ADGRB3: variants seen among roughly 807,000 people sequenced by gnomAD.
ADGRB3 encodes adhesion G protein-coupled receptor B3.
ADGRB3 carries 37 observed loss-of-function variants against 193.4 expected under a neutral mutation model. The observed-to-expected ratio is 0.19, with a 90% confidence interval of 0.15 to 0.25. ADGRB3 has a LOEUF of 0.25. Among genes scored for constraint, ADGRB3 ranks in the 10% least tolerant of loss-of-function variants. The pLI, the probability that ADGRB3 is intolerant of heterozygous loss-of-function variation, is 1.00. For synonymous variants in ADGRB3, 690 were observed against 644.2 expected, an observed-to-expected ratio of 1.07 and a Z score of -1.08; for missense variants, 1,637 against 1,852.9, an observed-to-expected ratio of 0.88 and a Z score of 2.14.
chr6:68,838,170 C>G (rs971001640), intron 3 of ADGRB3, among the ~76,000 whole-genome samples: 1 of 152,108 alleles, frequency 6.6e-6, no homozygotes, highest in African/African-American at 2.4e-5. Context: ...TTGCTGGAGG[C>G]TTTCTCTTAA....
intron 17 of ADGRB3, among the ~76,000 whole-genome samples, chr6:69,218,270 A>G (rs1045206070): frequency 6.6e-5 from 10 of 152,260 alleles, no homozygotes; most frequent in Admixed American, 2.6e-4. Context: ...ATTTTAAATA[A>G]CAGTCCAATC....
At chr6:68,794,946 G>A (rs1582208029) in intron 3 of ADGRB3, among the ~76,000 whole-genome samples, 1 of 152,054 alleles carries the variant, frequency 6.6e-6, no homozygotes, top group East Asian at 1.9e-4. Flanking sequence ...TATTTTTGAT[G>A]AATTTACTGG....
chr6:69,226,689 G>A (rs186027001), intron 17 of ADGRB3, among the ~76,000 whole-genome samples: 5 of 152,306 alleles, frequency 3.3e-5, no homozygotes, highest in African/African-American at 7.2e-5. Flanking sequence ...ATGTTATGGC[G>A]TAGCTATTAG....
intron 20 of ADGRB3, among the ~76,000 whole-genome samples, chr6:69,245,728 A>G (rs1016587226): frequency 1.2e-4 from 18 of 152,060 alleles, no homozygotes; most frequent in Admixed American, 2.6e-4. Context: ...CCCATTAGAG[A>G]AAACCCTGCT....
At chr6:69,233,083 C>A in intron 17 of ADGRB3, 3 of 671,076 alleles carry the variant, frequency 4.5e-6, no homozygotes, top group Non-Finnish European at 7.2e-6. Flanking sequence ...GCACGCCGCA[C>A]CGCCGCCTGC....
intron 17 of ADGRB3, 171 bp from the exon 18 acceptor site, chr6:69,233,119 A>G: frequency 5.3e-6 from 5 of 935,258 alleles, no homozygotes; most frequent in Non-Finnish European, 6.3e-6. Flanking sequence ...CTCGCTTTGC[A>G]TTACTGGAGA....
At chr6:68,943,708 C>T in intron 5 of ADGRB3, 122 bp from the exon 6 acceptor site, 1 of 746,892 alleles carries the variant, frequency 1.3e-6, no homozygotes, top group Non-Finnish European at 1.9e-6. Flanking sequence ...GTTATCTCAA[C>T]TGAGTTTTAA....
intron 3 of ADGRB3, among the ~76,000 whole-genome samples, chr6:68,701,394 A>G (rs1765240055): frequency 1.3e-5 from 2 of 152,192 alleles, no homozygotes; most frequent in African/African-American, 2.4e-5. Flanking sequence ...ATCATTAGTC[A>G]GGCCTTCTTC....
rs1406327730 is a variant in ADGRB3, at chr6:69,213,438, C to T, written c.2481-19852C>T. Among the ~76,000 whole-genome samples the T allele has an allele frequency of 3.3e-5, 5 of 152,178 alleles. No homozygotes were observed. In the East Asian group the frequency reaches 5.8e-4, roughly 18 times the overall value. ...ACTTTTGCATGATTCAGGATTATAC[C>T]TGTATTTTAATTTTAGAAATTAATA... On this transcript the variant is annotated intron_variant, in intron 17 of 31. Coordinates refer to ENST00000370598, the MANE Select transcript of ADGRB3 (RefSeq NM_001704.3).
At chr6:69,059,789 CTTAT>C (rs546929518) in intron 15 of ADGRB3, among the ~76,000 whole-genome samples, 3 of 152,132 alleles carry the variant, frequency 2.0e-5, no homozygotes, top group African/African-American at 4.8e-5. Context: ...TGTAAATTTG[CTTAT>C]TTATTTTCCT....
intron 3 of ADGRB3, among the ~76,000 whole-genome samples, chr6:68,921,559 A>G (rs983016904): frequency 5.3e-5 from 8 of 152,190 alleles, no homozygotes; most frequent in Non-Finnish European, 7.4e-5. Flanking sequence ...AACAAAATTT[A>G]AATTGTGATT....
chr6:68,696,003 A>G (rs145474529), intron 3 of ADGRB3, among the ~76,000 whole-genome samples: 226 of 152,012 alleles, frequency 1.5e-3, no homozygotes, highest in Non-Finnish European at 2.9e-3. Flanking sequence ...GCTGCGACCC[A>G]AAGGGGGTAG....
At chr6:69,040,373 CT>C (rs1562133264) in intron 13 of ADGRB3, among the ~76,000 whole-genome samples, 3 of 55,956 alleles carry the variant, frequency 5.4e-5, no homozygotes, top group African/African-American at 1.6e-4. Context: ...TTCTTTCTTT[CT>C]TTCCTTCTCT....
At chr6:69,340,696 A>G (rs74672178) in intron 26 of ADGRB3, among the ~76,000 whole-genome samples, 1 of 152,102 alleles carries the variant, frequency 6.6e-6, no homozygotes, top group Non-Finnish European at 1.5e-5. Context: ...TACATGTGCC[A>G]TGGTGGTTTG....
intron 4 of ADGRB3, among the ~76,000 whole-genome samples, chr6:68,933,922 A>G (rs982140957): frequency 3.3e-5 from 5 of 152,138 alleles, no homozygotes; most frequent in Non-Finnish European, 7.4e-5. Context: ...AGTTCATACT[A>G]TCTCCAAAGA....
At chr6:69,188,048 A>G (rs986614906) in intron 17 of ADGRB3, among the ~76,000 whole-genome samples, 1 of 152,204 alleles carries the variant, frequency 6.6e-6, no homozygotes, top group Non-Finnish European at 1.5e-5. Context: ...TTTCTTTTGT[A>G]AAAGACATCT....
At position 69,189,409 on chromosome 6, in the gene ADGRB3, A is replaced by C. The variant is rs117023316; in HGVS notation, c.2481-43881A>C. Among the ~76,000 whole-genome samples, 74 of 152,314 alleles carry C rather than the reference A, an allele frequency of 4.9e-4. No individual in the cohort carries two copies. The East Asian group carries it at 9.4e-3, about 19-fold the overall frequency. ...TCCACATTGATGCTGTTTCATATTA[A>C]AGATTTTGAATCAGTGATGAAAGAT... On this transcript the variant is annotated intron_variant, in intron 17 of 31. Coordinates refer to ENST00000370598, the MANE Select transcript of ADGRB3 (RefSeq NM_001704.3).
chr6:69,285,935 C>G (rs911031989), intron 20 of ADGRB3, among the ~76,000 whole-genome samples: 1 of 151,984 alleles, frequency 6.6e-6, no homozygotes, highest in Non-Finnish European at 1.5e-5. Context: ...AAAAGGTTTA[C>G]TGTAATTAAA....
At chr6:68,801,621 A>G (rs1767313248) in intron 3 of ADGRB3, among the ~76,000 whole-genome samples, 1 of 152,274 alleles carries the variant, frequency 6.6e-6, no homozygotes, top group Admixed American at 6.5e-5. Context: ...CGCGGGAGGC[A>G]GAGGTTACGG....
Sources: gnomAD v4.1 joint callset for allele counts (sites outside exome capture counted in the v4.1 genomes callset) on GRCh38, gnomAD v4.1.1 for gene constraint, MANE v1.5 for transcripts, NCBI Gene and HGNC (gene_info 2026-07-23, HGNC 2026-07-21) for gene names.